The following CNKSR2 variants were observed in gnomAD, a reference collection of about 807,000 sequenced individuals.
CNKSR2 encodes connector enhancer of kinase suppressor of Ras 2, also known as CNK homolog protein 2.
A neutral mutation model predicts 84.4 loss-of-function variants in CNKSR2; 14 were observed. The observed-to-expected ratio is 0.17, with a 90% CI of 0.11 to 0.26. The LOEUF is 0.26. Among genes scored for constraint, CNKSR2 ranks in the 10% least tolerant of loss-of-function variants. The probability of loss-of-function intolerance (pLI) is 1.00; values close to 1 mark genes in which losing one functional copy is unlikely to be tolerated. For synonymous variants in CNKSR2, 275 were observed against 277.9 expected (o/e 0.99, Z 0.10); for missense variants, 485 against 771.2 (o/e 0.63, Z 4.40).
intron 4 of CNKSR2, among the ~76,000 whole-genome samples, chrX:21,470,235 T>C (rs2091181095): frequency 1.8e-5 from 2 of 112,024 alleles, no homozygotes; most frequent in African/African-American, 6.5e-5. Flanking sequence ...ACTATGAACT[T>C]GGTAATTATT....
intron 18 of CNKSR2, among the ~76,000 whole-genome samples, chrX:21,606,149 G>A (rs919160819): frequency 4.5e-5 from 5 of 111,746 alleles, no homozygotes; most frequent in Non-Finnish European, 9.4e-5. Context: ...TGGAAGTTTG[G>A]AACTTGCAGC....
At chrX:21,427,394 T>C (rs2090579995) in intron 2 of CNKSR2, 1 of 112,099 alleles carries the variant, frequency 8.9e-6, no homozygotes, top group East Asian at 2.8e-4. Context: ...GAAGTACAGA[T>C]GTATTTCAGT....
intron 12 of CNKSR2, 151 bp from the exon 13 acceptor site, chrX:21,563,087 T>C (rs2092206423): frequency 2.3e-6 from 1 of 434,384 alleles, no homozygotes; most frequent in African/African-American, 2.5e-5. Context: ...ATATATTAGA[T>C]TGGGGCAAAA....
intron 1 of CNKSR2, among the ~76,000 whole-genome samples, chrX:21,387,068 T>A (rs1264824291): frequency 8.9e-6 from 1 of 112,540 alleles, no homozygotes; most frequent in African/African-American, 3.2e-5. Context: ...TACATTAATT[T>A]TAAGATGTAT....
chrX:21,428,134 A>T (rs1464933542), intron 2 of CNKSR2: 2 of 111,913 alleles, frequency 1.8e-5, no homozygotes, highest in South Asian at 3.7e-4. Context: ...TCCTCAAAGG[A>T]AGACATCTTT....
chrX:21,524,783 C>T (rs1292641049), intron 9 of CNKSR2, among the ~76,000 whole-genome samples: 1 of 109,940 alleles, frequency 9.1e-6, no homozygotes, highest in South Asian at 3.8e-4. Context: ...TGACTCCAGG[C>T]GAGAGGAAAG....
intron 9 of CNKSR2, among the ~76,000 whole-genome samples, chrX:21,519,323 G>T (rs2091759477): frequency 9.0e-6 from 1 of 111,060 alleles, no homozygotes; most frequent in Non-Finnish European, 1.9e-5. Flanking sequence ...GGATCTGGAG[G>T]GTGAAGGTAC....
At chrX:21,418,679 A>G (rs2090455169) in intron 1 of CNKSR2, among the ~76,000 whole-genome samples, 1 of 110,643 alleles carries the variant, frequency 9.0e-6, no homozygotes, top group African/African-American at 3.3e-5. Flanking sequence ...GCTCCATTGT[A>G]TGTTGTTTGT....
At chrX:21,582,190 A>G (rs2092357774) in intron 13 of CNKSR2, among the ~76,000 whole-genome samples, 1 of 111,861 alleles carries the variant, frequency 8.9e-6, no homozygotes, top group South Asian at 3.7e-4. Context: ...TTGCCCAGAA[A>G]CTCCTGTAAA....
At chrX:21,500,857 GA>G (rs1259470440) in intron 7 of CNKSR2, among the ~76,000 whole-genome samples, 1 of 111,369 alleles carries the variant, frequency 9.0e-6, no homozygotes, top group Admixed American at 9.5e-5. Flanking sequence ...TGTAACATGA[GA>G]AATAGCATCC....
rs149145355 is a variant in CNKSR2, at chrX:21,590,503, G to A, written c.1609-69G>A. The A allele has an allele frequency of 1.6e-3, 1,570 of 1,010,316 alleles. 14 individuals carry two copies. The African/African-American group carries it at 0.026, about 17-fold the overall frequency. The allele number at this position is 1,010,316 out of a possible 1,213,427, so 83.3% of individuals were successfully genotyped here. ...TCATCATTTAGCTCTTGAGAGTTCT[G>A]TGTAGCGTGCTGGTGCTCTGGATCA... On this transcript the variant is annotated intron_variant, in intron 13 of 21. Coordinates refer to ENST00000379510, the MANE Select transcript of CNKSR2 (RefSeq NM_014927.5).
intron 20 of CNKSR2, among the ~76,000 whole-genome samples, chrX:21,615,100 AT>A (rs969008100): frequency 8.9e-6 from 1 of 111,952 alleles, no homozygotes; most frequent in African/African-American, 3.2e-5. Flanking sequence ...AGAAAGAGAA[AT>A]GTGCAAAACT....
intron 21 of CNKSR2, among the ~76,000 whole-genome samples, chrX:21,651,152 C>G (rs944573170): frequency 8.9e-6 from 1 of 111,810 alleles, no homozygotes; most frequent in African/African-American, 3.3e-5. Context: ...TGCCAATGTT[C>G]AGTTCACTAA....
intron 19 of CNKSR2, among the ~76,000 whole-genome samples, chrX:21,607,794 A>T: frequency 9.1e-6 from 1 of 110,246 alleles, no homozygotes; most frequent in East Asian, 2.8e-4. Flanking sequence ...ACAGAGTGAG[A>T]CTGTGTCTCA....
At chrX:21,434,429 C>G (rs986057528) in intron 3 of CNKSR2, among the ~76,000 whole-genome samples, 1 of 111,494 alleles carries the variant, frequency 9.0e-6, no homozygotes, top group East Asian at 2.8e-4. Flanking sequence ...AAATCACCTA[C>G]AAAACACATA....
chrX:21,467,026 T>TG (rs776725884), intron 4 of CNKSR2, among the ~76,000 whole-genome samples: 93 of 111,463 alleles, frequency 8.3e-4, no homozygotes, highest in African/African-American at 2.9e-3. Context: ...ATAAGTTTAA[T>TG]GGGAAAAAAT....
intron 4 of CNKSR2, among the ~76,000 whole-genome samples, chrX:21,458,233 C>T (rs753345080): frequency 1.6e-4 from 18 of 112,550 alleles, no homozygotes; most frequent in African/African-American, 5.5e-4. Context: ...TAAGTAAATT[C>T]GATTCCTCAT....
chrX:21,427,408 T>A (rs899605571), intron 2 of CNKSR2: 2 of 112,068 alleles, frequency 1.8e-5, no homozygotes, highest in Non-Finnish European at 3.8e-5. Context: ...TTTCAGTTTA[T>A]GCAACAGATG....
intron 21 of CNKSR2, among the ~76,000 whole-genome samples, chrX:21,651,970 C>G (rs1486744635): frequency 8.9e-6 from 1 of 112,095 alleles, no homozygotes; most frequent in Non-Finnish European, 1.9e-5. Flanking sequence ...AGTAAAGGGG[C>G]ATAAATGAGG....
Sources: gnomAD v4.1 joint callset for allele counts (sites outside exome capture counted in the v4.1 genomes callset) on GRCh38, gnomAD v4.1.1 for gene constraint, MANE v1.5 for transcripts, NCBI Gene and HGNC (gene_info 2026-07-23, HGNC 2026-07-21) for gene names.